Variants in CAMK2A observed in about 807,000 individuals in gnomAD.
CAMK2A encodes the protein calcium/calmodulin-dependent protein kinase type II subunit alpha.
A neutral mutation model predicts 79.2 loss-of-function variants in CAMK2A; 7 were observed. That is an observed-to-expected ratio of 0.09 (90% confidence interval 0.05 to 0.17). CAMK2A has a LOEUF of 0.17. CAMK2A is among the 10% of genes least tolerant of loss of function. The pLI is 1.00. For missense variants in CAMK2A, 214 were observed against 646.4 expected, an observed-to-expected ratio of 0.33 and a Z score of 7.25; for synonymous variants, 242 against 251.7, an observed-to-expected ratio of 0.96 and a Z score of 0.36.
intron 15 of CAMK2A, 200 bp downstream of exon 15, chr5:150,238,500 C>G (rs969405604): frequency 1.5e-6 from 1 of 683,052 alleles, no homozygotes; most frequent in South Asian, 1.6e-5. Flanking sequence ...ATCTACACAC[C>G]AGCAGTAGTT....
chr5:150,227,467 T>A (rs1754655887), intron 17 of CAMK2A, among the ~76,000 whole-genome samples: 1 of 152,194 alleles, frequency 6.6e-6, no homozygotes, highest in African/African-American at 2.4e-5. Flanking sequence ...ATACCACTTC[T>A]TAGGTCCTTC....
intron 1 of CAMK2A, among the ~76,000 whole-genome samples, chr5:150,276,011 C>A (rs1336109148): frequency 6.6e-6 from 1 of 152,168 alleles, no homozygotes; most frequent in Admixed American, 6.5e-5. Flanking sequence ...CAGGCACCCA[C>A]CCAAAGCTGC....
chr5:150,289,329 C>T (rs1379235513), intron 1 of CAMK2A, among the ~76,000 whole-genome samples: 3 of 152,318 alleles, frequency 2.0e-5, no homozygotes, highest in East Asian at 1.9e-4. Flanking sequence ...ACTGTCAACC[C>T]TTCATCCCTA....
intron 2 of CAMK2A, among the ~76,000 whole-genome samples, chr5:150,270,883 GC>G (rs1756720678): frequency 6.6e-6 from 1 of 152,152 alleles, no homozygotes; most frequent in Non-Finnish European, 1.5e-5. Context: ...CAAAACAGGA[GC>G]CATGGCCCTT....
chr5:150,268,946 A>T (rs575843256), intron 2 of CAMK2A, among the ~76,000 whole-genome samples: 2 of 151,938 alleles, frequency 1.3e-5, no homozygotes, highest in East Asian at 1.9e-4. Context: ...TATATTTTTA[A>T]TAGAGATGGG....
At chr5:150,273,749 T>C (rs1756844970) in intron 1 of CAMK2A, among the ~76,000 whole-genome samples, 2 of 152,224 alleles carry the variant, frequency 1.3e-5, no homozygotes, top group Admixed American at 6.5e-5. Flanking sequence ...TATCATAACA[T>C]AAGAGTTCCT....
At chr5:150,242,113 C>T (rs922445192) in intron 13 of CAMK2A, among the ~76,000 whole-genome samples, 12 of 152,188 alleles carry the variant, frequency 7.9e-5, no homozygotes, top group African/African-American at 1.9e-4. Context: ...AATGAGCAGT[C>T]GGCCCTCCTC....
intron 2 of CAMK2A, among the ~76,000 whole-genome samples, chr5:150,269,444 G>A (rs555224240): frequency 6.6e-6 from 1 of 151,766 alleles, no homozygotes; most frequent in African/African-American, 2.4e-5. Flanking sequence ...ACTCCCCTGG[G>A]CTCGGTGATT....
intron 10 of CAMK2A, 86 bp downstream of exon 10, chr5:150,250,602 C>A: frequency 6.4e-7 from 1 of 1,557,076 alleles, no homozygotes; most frequent in Non-Finnish European, 8.7e-7. Context: ...GCCCCATGGG[C>A]CAGGGGAAGG....
chr5:150,283,944 T>C (rs900747389), intron 1 of CAMK2A, among the ~76,000 whole-genome samples: 1 of 151,828 alleles, frequency 6.6e-6, no homozygotes, highest in Non-Finnish European at 1.5e-5. Flanking sequence ...GGCCTTAGAG[T>C]CCCACCTGAC....
chr5:150,285,994 T>A (rs1315322433), intron 1 of CAMK2A, among the ~76,000 whole-genome samples: 13 of 152,166 alleles, frequency 8.5e-5, no homozygotes, highest in African/African-American at 2.2e-4. Context: ...CTTTGCCCAA[T>A]AACCAGCATT....
At chr5:150,226,744 A>AGGGGGGGG (rs530069538) in intron 17 of CAMK2A, among the ~76,000 whole-genome samples, 1 of 84,484 alleles carries the variant, frequency 1.2e-5, no homozygotes, top group African/African-American at 4.2e-5. Context: ...AAAAAAAAAA[A>AGGGGGGGG]GGGGGGGGGG....
intron 2 of CAMK2A, 194 bp from the exon 3 acceptor site, chr5:150,265,209 G>A (rs550654200): frequency 6.9e-6 from 4 of 580,234 alleles, no homozygotes; most frequent in Admixed American, 5.8e-5. Flanking sequence ...AGAGGCCTGG[G>A]TTGCAGTGAC....
At chr5:150,231,163 T>C in intron 16 of CAMK2A, 142 bp downstream of exon 16, 2 of 460,412 alleles carry the variant, frequency 4.3e-6, no homozygotes, top group Non-Finnish European at 8.0e-6. Context: ...GGATGCAAAA[T>C]AGAAATATGA....
intron 2 of CAMK2A, among the ~76,000 whole-genome samples, chr5:150,266,073 G>A (rs1378544322): frequency 6.6e-6 from 1 of 152,130 alleles, no homozygotes; most frequent in Non-Finnish European, 1.5e-5. Context: ...TCCCTTTCAG[G>A]AGACTCTGGG....
chr5:150,233,379 G>A (rs1486428488), intron 15 of CAMK2A, among the ~76,000 whole-genome samples: 1 of 152,204 alleles, frequency 6.6e-6, no homozygotes, highest in African/African-American at 2.4e-5. Flanking sequence ...CATGGTAGAT[G>A]TAGCAGTGAT....
intron 2 of CAMK2A, among the ~76,000 whole-genome samples, chr5:150,272,533 T>C (rs1366100218): frequency 2.7e-5 from 4 of 149,560 alleles, no homozygotes; most frequent in Non-Finnish European, 4.4e-5. Flanking sequence ...GATCGCACCA[T>C]TGCACTCCAG....
chr5:150,222,557 G>A lies in CAMK2A; in HGVS notation c.*153C>T. 1 of 834,806 alleles carries A rather than the reference G, an allele frequency of 1.2e-6. No individual in the cohort carries two copies. Among genetic ancestry groups the A allele is most frequent in the Non-Finnish European group, 2.0e-6 (1 of 496,114 alleles). The allele number at this position is 834,806 out of a possible 1,614,324, so 51.7% of individuals were successfully genotyped here. On this transcript the variant is annotated 3_prime_UTR_variant, in exon 19 of 19. Coordinates refer to ENST00000671881, the MANE Select transcript of CAMK2A (RefSeq NM_015981.4). ...AAGTTGCGATGACTTTTGTGAACAA[G>A]CAGGTTTTCTTGATGCAGGTACAGA...
chr5:150,268,399 C>T (rs563926695), intron 2 of CAMK2A, among the ~76,000 whole-genome samples: 1 of 152,280 alleles, frequency 6.6e-6, no homozygotes, highest in South Asian at 2.1e-4. Flanking sequence ...AAAGCTCTTC[C>T]CTGGGTCTTC....
Sources: allele counts gnomAD v4.1 joint callset (sites outside exome capture counted in the v4.1 genomes callset), GRCh38; gene constraint gnomAD v4.1.1; transcripts MANE v1.5; gene names NCBI Gene and HGNC (gene_info 2026-07-23, HGNC 2026-07-21).